The following C8orf34 variants were observed in gnomAD, a reference collection of about 807,000 sequenced individuals.
C8orf34 encodes chromosome 8 open reading frame 34.
Under a neutral mutation model 68.3 loss-of-function variants are expected in C8orf34, and 65 were observed. The observed-to-expected ratio is 0.95, with a 90% CI of 0.78 to 1.17. C8orf34 has a LOEUF of 1.17. C8orf34 is among the 50% of genes most tolerant of loss of function. The pLI is 0.00. For missense variants in C8orf34, 664 were observed against 655.4 expected (o/e 1.01, Z -0.14); for synonymous variants, 244 against 241.2 (o/e 1.01, Z -0.11).
chr8:68,595,732 T>C (rs757150261), intron 7 of C8orf34, among the ~76,000 whole-genome samples: 9 of 152,234 alleles, frequency 5.9e-5, no homozygotes, highest in Admixed American at 2.0e-4. Flanking sequence ...TACTTTTGTG[T>C]ATTTTTTCTG....
chr8:68,787,577 A>G, intron 12 of C8orf34, 41 bp downstream of exon 12: 1 of 1,412,012 alleles, frequency 7.1e-7, no homozygotes, highest in Non-Finnish European at 9.8e-7. Context: ...TTCTTTTACC[A>G]GAAGGAAATC....
intron 8 of C8orf34, among the ~76,000 whole-genome samples, chr8:68,703,400 C>G (rs567802521): frequency 6.6e-6 from 1 of 152,092 alleles, no homozygotes; most frequent in Non-Finnish European, 1.5e-5. Flanking sequence ...CTATCTTTAT[C>G]AGCCCCACTT....
intron 6 of C8orf34, among the ~76,000 whole-genome samples, chr8:68,526,429 T>C (rs1202677012): frequency 1.3e-5 from 2 of 152,194 alleles, no homozygotes; most frequent in Non-Finnish European, 2.9e-5. Context: ...CAAAAAATCC[T>C]AGACTCAAAG....
chr8:68,470,143 A>G (rs1812321356), intron 4 of C8orf34, among the ~76,000 whole-genome samples: 1 of 152,078 alleles, frequency 6.6e-6, no homozygotes, highest in Non-Finnish European at 1.5e-5. Flanking sequence ...GTAGAAAATA[A>G]GAGTAAAGTG....
rs569329879 is a variant in C8orf34 at position 68,454,891 on chromosome 8, A to C, written c.607+8431A>C. On this transcript the variant is annotated intron_variant, in intron 3 of 13. Transcript: ENST00000518698. Reference sequence around the variant, plus strand: ...ATTAATGGGGACATTTACTGCTATAAATTTCTATCTGAGCACTGCTTCCAC... The same window carrying C: ...ATTAATGGGGACATTTACTGCTATACATTTCTATCTGAGCACTGCTTCCAC... Among the ~76,000 whole-genome samples the C allele has an allele frequency of 2.6e-5, 4 of 151,992 alleles. No homozygotes were observed. The East Asian group carries it at 5.8e-4, about 22-fold the overall frequency.
At chr8:68,658,452 C>A (rs1184593614) in intron 8 of C8orf34, among the ~76,000 whole-genome samples, 4 of 152,052 alleles carry the variant, frequency 2.6e-5, no homozygotes, top group South Asian at 4.1e-4. Context: ...CTCTTAAGTT[C>A]TTTTATTTTT....
At chr8:68,631,096 C>G (rs1435690925) in intron 7 of C8orf34, among the ~76,000 whole-genome samples, 1 of 151,754 alleles carries the variant, frequency 6.6e-6, no homozygotes, top group Non-Finnish European at 1.5e-5. Context: ...GAAACCCCAT[C>G]TCTACTAAAA....
intron 3 of C8orf34, among the ~76,000 whole-genome samples, chr8:68,457,475 A>C (rs982778362): frequency 2.6e-5 from 4 of 152,206 alleles, no homozygotes; most frequent in African/African-American, 9.7e-5. Flanking sequence ...TAAATTTTAG[A>C]AAACAGGGTT....
At chr8:68,651,736 C>G (rs914944642) in intron 8 of C8orf34, among the ~76,000 whole-genome samples, 3 of 152,024 alleles carry the variant, frequency 2.0e-5, no homozygotes, top group African/African-American at 7.2e-5. Flanking sequence ...AACAATAGAC[C>G]CTGGGGATTC....
At chr8:68,380,398 T>G (rs1386934544) in intron 1 of C8orf34, among the ~76,000 whole-genome samples, 3 of 152,248 alleles carry the variant, frequency 2.0e-5, no homozygotes, top group African/African-American at 7.2e-5. Flanking sequence ...AACCTAGCAT[T>G]TAATTATGCT....
chr8:68,689,338 A>G (rs1820619496), intron 8 of C8orf34, among the ~76,000 whole-genome samples: 1 of 152,030 alleles, frequency 6.6e-6, no homozygotes, highest in African/African-American at 2.4e-5. Context: ...GGAAACTAAA[A>G]TCTCAGAAAT....
intron 8 of C8orf34, chr8:68,695,645 T>A (rs1234247112): frequency 6.6e-6 from 1 of 152,154 alleles, no homozygotes; most frequent in African/African-American, 2.4e-5. Context: ...TATTCTGAAA[T>A]CAGAATTATC....
intron 8 of C8orf34, among the ~76,000 whole-genome samples, chr8:68,681,182 CAT>C (rs1820358602): frequency 6.6e-6 from 1 of 152,126 alleles, no homozygotes; most frequent in South Asian, 2.1e-4. Flanking sequence ...TTCAAACACA[CAT>C]ATTTTACAAT....
chr8:68,749,861 C>T (rs117338799), intron 10 of C8orf34, among the ~76,000 whole-genome samples: 1,623 of 152,210 alleles, frequency 0.011, 16 homozygotes, highest in Non-Finnish European at 0.015. Flanking sequence ...ACATTTTGTA[C>T]GTCTGTTCAT....
intron 8 of C8orf34, among the ~76,000 whole-genome samples, chr8:68,652,465 A>T (rs141324720): frequency 1.5e-3 from 231 of 152,290 alleles, no homozygotes; most frequent in Non-Finnish European, 2.7e-3. Context: ...ATGTGGTGTC[A>T]TATCTAAGAA....
intron 9 of C8orf34, among the ~76,000 whole-genome samples, chr8:68,721,027 T>C (rs1821656579): frequency 1.3e-5 from 2 of 151,892 alleles, no homozygotes; most frequent in African/African-American, 4.8e-5. Context: ...ATCATGAAAT[T>C]ATAAAAGAGA....
At chr8:68,555,699 G>C (rs55880104) in intron 7 of C8orf34, among the ~76,000 whole-genome samples, 1 of 151,784 alleles carries the variant, frequency 6.6e-6, no homozygotes, top group Non-Finnish European at 1.5e-5. Flanking sequence ...TTAAATTTAC[G>C]TCTGCAATAT....
At chr8:68,541,979 T>C (rs1162132513) in intron 7 of C8orf34, among the ~76,000 whole-genome samples, 3 of 152,218 alleles carry the variant, frequency 2.0e-5, no homozygotes, top group African/African-American at 7.2e-5. Context: ...TTCTATTATA[T>C]GTATATGCAT....
At chr8:68,600,917 G>T (rs192834700) in intron 7 of C8orf34, among the ~76,000 whole-genome samples, 1 of 151,886 alleles carries the variant, frequency 6.6e-6, no homozygotes, top group Non-Finnish European at 1.5e-5. Context: ...TCTCCTCCTC[G>T]CACACACACT....
Sources: allele counts gnomAD v4.1 joint callset (sites outside exome capture counted in the v4.1 genomes callset), GRCh38; gene constraint gnomAD v4.1.1; transcripts MANE v1.5; gene names NCBI Gene and HGNC (gene_info 2026-07-23, HGNC 2026-07-21).